Variants in LRP1B observed in about 807,000 individuals in gnomAD.
LRP1B encodes low-density lipoprotein receptor-related protein 1B.
Under a neutral mutation model 556.6 loss-of-function variants are expected in LRP1B, and 217 were observed. That is an observed-to-expected ratio of 0.39 (90% CI 0.35 to 0.44). The LOEUF (loss-of-function observed/expected upper bound fraction) is 0.44. Among genes scored for constraint, LRP1B ranks in the 20% least tolerant of loss-of-function variants. The probability of loss-of-function intolerance (pLI) is 1.00; values close to 1 mark genes in which losing one functional copy is unlikely to be tolerated. For synonymous variants in LRP1B, 2,047 were observed against 1,865.8 expected (o/e 1.10, Z -2.50); for missense variants, 5,053 against 5,620.8 (o/e 0.90, Z 3.23).
chr2:141,111,921 C>T (rs1445432214), intron 7 of LRP1B, among the ~76,000 whole-genome samples: 1 of 151,846 alleles, frequency 6.6e-6, no homozygotes, highest in African/African-American at 2.4e-5. Flanking sequence ...TGGTATGCAC[C>T]TGTAGTCCCA....
At chr2:141,465,828 G>C (rs1682170509) in intron 3 of LRP1B, among the ~76,000 whole-genome samples, 1 of 151,866 alleles carries the variant, frequency 6.6e-6, no homozygotes, top group Non-Finnish European at 1.5e-5. Flanking sequence ...TTACAGGTGT[G>C]AGCCACTGTG....
At chr2:140,713,096 G>T (rs1687091411) in intron 37 of LRP1B, among the ~76,000 whole-genome samples, 1 of 152,018 alleles carries the variant, frequency 6.6e-6, no homozygotes, top group Non-Finnish European at 1.5e-5. Context: ...GTTGGAATAA[G>T]TAAGAAGTGA....
At chr2:141,724,290 G>T (rs575222285) in intron 2 of LRP1B, among the ~76,000 whole-genome samples, 25 of 152,004 alleles carry the variant, frequency 1.6e-4, no homozygotes, top group Non-Finnish European at 3.1e-4. Context: ...TTTGGAAACA[G>T]AATCTCTTCT....
chr2:140,366,309 G>A (rs894342683), intron 71 of LRP1B, among the ~76,000 whole-genome samples: 8 of 151,594 alleles, frequency 5.3e-5, no homozygotes, highest in Admixed American at 2.0e-4. Flanking sequence ...CATAAACATC[G>A]TACTCATTTT....
chr2:141,065,985 C>T (rs1228802095), intron 7 of LRP1B, among the ~76,000 whole-genome samples: 1 of 151,890 alleles, frequency 6.6e-6, no homozygotes, highest in Non-Finnish European at 1.5e-5. Context: ...TTGTTCTCAC[C>T]TGTGTTATCA....
rs989725296 is a variant in LRP1B, at chr2:141,735,760, T to G, written c.205+74519A>C. ...TATTTAGAAATCTTAATTTCCATTC[T>G]TCCGAACATCCAAGAATTTTAGAAA... On this transcript the variant is annotated intron_variant, in intron 2 of 90. Transcript: ENST00000389484. Among the ~76,000 whole-genome samples, 13 of 152,272 alleles carry G rather than the reference T, an allele frequency of 8.5e-5. No homozygotes were observed. In the Middle Eastern group the frequency reaches 0.017, roughly 199 times the overall value.
intron 1 of LRP1B, among the ~76,000 whole-genome samples, chr2:141,975,190 T>C (rs1436288987): frequency 6.6e-6 from 1 of 152,084 alleles, no homozygotes; most frequent in Non-Finnish European, 1.5e-5. Flanking sequence ...TTGTGTCTGA[T>C]ACTGGTAACT....
At chr2:141,135,861 G>A (rs1701479049) in intron 7 of LRP1B, among the ~76,000 whole-genome samples, 1 of 151,830 alleles carries the variant, frequency 6.6e-6, no homozygotes. Context: ...TGTGCTCAGG[G>A]AATGCAAACT....
At position 140,601,464 on chromosome 2, in the gene LRP1B, C is replaced by A. The variant is rs1162530808; in HGVS notation, c.6975G>T (p.Leu2325Phe). Residue 2325 changes from leucine (L) to phenylalanine (F), a missense_variant, in exon 42 of 91, where the codon TTG becomes TTT. Leu to Phe is a conservative substitution (Grantham distance 22, BLOSUM62 0). Coordinates refer to ENST00000389484, the MANE Select transcript of LRP1B (RefSeq NM_018557.3). ...SEDDHPHVLA[L>F]DECQNLMFWT... Reference sequence around the variant, plus strand: ...CTGTTTCTTACTTTTGACATTCATCCAAGGCTAGCACATGTGGATGGTCAT... The same window carrying A: ...CTGTTTCTTACTTTTGACATTCATCAAAGGCTAGCACATGTGGATGGTCAT... 1.2e-6 allele frequency: 2 copies of A among 1,609,984 alleles called. No individual in the cohort carries two copies. The highest frequency in any genetic ancestry group is 3.3e-5 in the Admixed American group (2 of 59,772).
intron 2 of LRP1B, among the ~76,000 whole-genome samples, chr2:141,674,065 A>G (rs995733530): frequency 6.6e-6 from 1 of 152,044 alleles, no homozygotes; most frequent in African/African-American, 2.4e-5. Flanking sequence ...GTTTAAATCC[A>G]TTCCCTCCAT....
intron 1 of LRP1B, among the ~76,000 whole-genome samples, chr2:141,935,682 C>T (rs747109071): frequency 1.3e-5 from 2 of 152,134 alleles, no homozygotes; most frequent in Admixed American, 6.5e-5. Context: ...TCTAGCTGCT[C>T]GCTATCAATA....
chr2:141,939,857 T>C (rs1252151265), intron 1 of LRP1B, among the ~76,000 whole-genome samples: 1 of 152,132 alleles, frequency 6.6e-6, no homozygotes, highest in Non-Finnish European at 1.5e-5. Flanking sequence ...TGTTAAACAT[T>C]TAATAGCACA....
At chr2:141,194,995 T>A (rs1681692981) in intron 6 of LRP1B, among the ~76,000 whole-genome samples, 1 of 152,118 alleles carries the variant, frequency 6.6e-6, no homozygotes, top group Non-Finnish European at 1.5e-5. Flanking sequence ...GTTGTGATAA[T>A]TTAAAAATAT....
intron 1 of LRP1B, among the ~76,000 whole-genome samples, chr2:142,003,746 A>T (rs1164709601): frequency 6.6e-6 from 1 of 152,204 alleles, no homozygotes; most frequent in Non-Finnish European, 1.5e-5. Context: ...TACTCCCACA[A>T]TCCGGCACTT....
At chr2:141,702,197 T>C (rs530552644) in intron 2 of LRP1B, among the ~76,000 whole-genome samples, 1 of 151,978 alleles carries the variant, frequency 6.6e-6, no homozygotes, top group African/African-American at 2.4e-5. Flanking sequence ...TTAGATCAAT[T>C]GGCTTAGGTA....
chr2:140,477,774 C>T (rs1228980960), intron 59 of LRP1B, among the ~76,000 whole-genome samples: 6 of 152,136 alleles, frequency 3.9e-5, no homozygotes, highest in Non-Finnish European at 8.8e-5. Flanking sequence ...ACATTTGTTA[C>T]ATCACACTCA....
At chr2:140,879,950 T>TAAA (rs34768520) in intron 25 of LRP1B, among the ~76,000 whole-genome samples, 1 of 138,658 alleles carries the variant, frequency 7.2e-6, no homozygotes. Flanking sequence ...TGATCCTGGT[T>TAAA]AAAAAAAAAA....
At chr2:140,560,094 T>C (rs1407927884) in intron 43 of LRP1B, among the ~76,000 whole-genome samples, 1 of 152,138 alleles carries the variant, frequency 6.6e-6, no homozygotes. Flanking sequence ...CAAATGTCAC[T>C]ATTATAATCT....
intron 41 of LRP1B, among the ~76,000 whole-genome samples, chr2:140,607,660 T>C (rs10153911): frequency 4.5e-5 from 4 of 88,506 alleles, no homozygotes; most frequent in East Asian, 3.5e-4. Context: ...CACACACACA[T>C]AGACGTGTGT....
Sources: allele counts gnomAD v4.1 joint callset (sites outside exome capture counted in the v4.1 genomes callset), GRCh38; gene constraint gnomAD v4.1.1; transcripts MANE v1.5; gene names NCBI Gene and HGNC (gene_info 2026-07-23, HGNC 2026-07-21).